The following DACT2 variants were observed in gnomAD, a reference collection of about 807,000 sequenced individuals.
The protein encoded by DACT2 is dishevelled binding antagonist of beta catenin 2.
DACT2 carries 20 observed loss-of-function variants against 22.2 expected under a neutral mutation model. The ratio of observed to expected loss-of-function variants is 0.90; its 90% CI spans 0.63 to 1.31. The LOEUF (loss-of-function observed/expected upper bound fraction) is 1.31, where lower values mean the gene tolerates loss of function less well. Ranked by LOEUF, DACT2 falls within the 50% of genes most tolerant of loss-of-function variation. The pLI is 0.00. For synonymous variants in DACT2, 463 were observed against 479.8 expected, an observed-to-expected ratio of 0.96 and a Z score of 0.46; for missense variants, 1,048 against 1,061.4, an observed-to-expected ratio of 0.99 and a Z score of 0.18.
chr6:168,296,736 C>A (rs1779016024), intron 3 of DACT2, among the ~76,000 whole-genome samples: 2 of 152,248 alleles, frequency 1.3e-5, no homozygotes, highest in African/African-American at 4.8e-5. Context: ...TAATAGCAGA[C>A]TGCATAGGAG....
intron 1 of DACT2, among the ~76,000 whole-genome samples, chr6:168,311,495 G>GCC (rs539267578): frequency 3.8e-4 from 52 of 136,910 alleles, no homozygotes; most frequent in African/African-American, 1.4e-3. Flanking sequence ...GACACCCATC[G>GCC]CCCCCCACAC....
chr6:168,307,298 G>A lies in DACT2; in HGVS notation c.*134C>T, dbSNP rs1583294957. On this transcript the variant is annotated 3_prime_UTR_variant, in exon 4 of 4. Coordinates refer to ENST00000366795, the MANE Select transcript of DACT2 (RefSeq NM_214462.5). This position sits in a 1 kb window ranked among gnomAD's most constrained non-coding sequence, Gnocchi z 5.3. ...TCCACAGGGCAGAACCCATCTGCGGGGACTCCTGTTAAACGGTGGCCTCGG... is the reference window on the plus strand; with the variant it reads ...TCCACAGGGCAGAACCCATCTGCGGAGACTCCTGTTAAACGGTGGCCTCGG... 6.8e-7 allele frequency: 1 copy of A among 1,470,526 alleles called. No homozygotes were observed. Among genetic ancestry groups the A allele is most frequent in the East Asian group, 2.5e-5 (1 of 40,372 alleles). 91.1% of individuals were successfully genotyped at this position (1,470,526 alleles called of 1,614,324 possible). A position where few individuals can be genotyped will look rare whatever the true frequency, so the allele number is the denominator to read the frequency against.
chr6:168,311,617 C>G (rs371862691), intron 1 of DACT2, among the ~76,000 whole-genome samples: 353 of 86,158 alleles, frequency 4.1e-3, no homozygotes, highest in African/African-American at 0.013. Flanking sequence ...CTCACACAAA[C>G]ACACACACAC....
At chr6:168,304,797 G>A (rs751790328), downstream of DACT2, among the ~76,000 whole-genome samples, 1 of 152,222 alleles carries the variant, frequency 6.6e-6, no homozygotes, top group Non-Finnish European at 1.5e-5. Flanking sequence ...GATGGGAACT[G>A]GAGACAGAGC....
At chr6:168,303,822 T>C (rs62424990), downstream of DACT2, among the ~76,000 whole-genome samples, 26,950 of 152,126 alleles carry the variant, frequency 0.18, 3,320 homozygotes, top group African/African-American at 0.35. Flanking sequence ...TTTGCTAAAG[T>C]AGGTTGGGAC....
At chr6:168,296,622 A>C (rs2114892452) in intron 3 of DACT2, among the ~76,000 whole-genome samples, 1 of 152,320 alleles carries the variant, frequency 6.6e-6, no homozygotes, top group Admixed American at 6.5e-5. Context: ...AAGCACCCGG[A>C]ATCAGCAGCA....
rs372134178 is a variant in DACT2 at position 168,310,525 on chromosome 6, G to A, written c.380-79C>T. ...CCCCCTCTCCTCCTGAGCTTGTCAC[G>A]GCACAGGTGGGCCCAGGGGAACCCC... On this transcript the variant is annotated intron_variant, in intron 2 of 3. Coordinates refer to ENST00000366795, the MANE Select transcript of DACT2 (RefSeq NM_214462.5). The A allele has an allele frequency of 3.2e-5, 48 of 1,495,578 alleles. No homozygotes were observed. In the Middle Eastern group the frequency reaches 1.4e-3, roughly 45 times the overall value. 92.6% of individuals were successfully genotyped at this position (1,495,578 alleles called of 1,614,324 possible).
rs576627446 is a variant in DACT2 at position 168,319,255 on chromosome 6, C to T, written c.246+133G>A. On this transcript the variant is annotated intron_variant, in intron 1 of 3. Coordinates refer to ENST00000366795, the MANE Select transcript of DACT2 (RefSeq NM_214462.5). ...CCCTCCTTGGAGACCGAACTGCATT[C>T]CATTCAAATCCCAAAGGACGTCCCC... 4.3e-4 allele frequency: 369 copies of T among 862,928 alleles called. 2 individuals carry two copies. The African/African-American group carries it at 6.1e-3, about 14-fold the overall frequency. The allele number at this position is 862,928 out of a possible 1,614,324, so 53.5% of individuals were successfully genotyped here. A position where few individuals can be genotyped will look rare whatever the true frequency, so the allele number is the denominator to read the frequency against.
downstream of DACT2, among the ~76,000 whole-genome samples, chr6:168,305,122 A>G (rs1460070312): frequency 2.6e-5 from 4 of 152,204 alleles, no homozygotes; most frequent in African/African-American, 9.7e-5. Context: ...GAGAGGATGG[A>G]GAGACAAGGG....
downstream of DACT2, among the ~76,000 whole-genome samples, chr6:168,304,112 C>T (rs1193196166): frequency 6.6e-6 from 1 of 152,180 alleles, no homozygotes; most frequent in Non-Finnish European, 1.5e-5. Context: ...GAGAGGGAAA[C>T]AGCTCCTCTG....
chr6:168,295,891 A>G (rs1432094440), intron 3 of DACT2, among the ~76,000 whole-genome samples: 1 of 152,278 alleles, frequency 6.6e-6, no homozygotes, highest in Non-Finnish European at 1.5e-5. Context: ...GTGAAAGAGA[A>G]TAGCTGTGTC....
At chr6:168,298,584 G>A (rs906802779) in intron 3 of DACT2, 1 of 152,188 alleles carries the variant, frequency 6.6e-6, no homozygotes, top group African/African-American at 2.4e-5. Flanking sequence ...ATTCAGCTGG[G>A]AGGTTAGCAT....
intron 2 of DACT2, among the ~76,000 whole-genome samples, chr6:168,310,704 C>T (rs1779375511): frequency 6.6e-6 from 1 of 152,210 alleles, no homozygotes; most frequent in Non-Finnish European, 1.5e-5. Context: ...GGCCCTCCCT[C>T]TTCCTGGCAA....
chr6:168,294,406 G>A (rs1236210828), intron 4 of DACT2, among the ~76,000 whole-genome samples: 1 of 151,778 alleles, frequency 6.6e-6, no homozygotes, highest in African/African-American at 2.4e-5. Flanking sequence ...TGCACGTGGG[G>A]TTCACCTGGA....
At chr6:168,298,064 A>T (rs1465338823) in intron 3 of DACT2, 1 of 152,262 alleles carries the variant, frequency 6.6e-6, no homozygotes, top group African/African-American at 2.4e-5. Context: ...GAGTGAACAC[A>T]CACATTGGAA....
intron 1 of DACT2, among the ~76,000 whole-genome samples, chr6:168,315,077 C>T (rs528926699): frequency 7.6e-4 from 116 of 152,284 alleles, no homozygotes; most frequent in African/African-American, 2.5e-3. Context: ...GAATCAGACG[C>T]GCAGCTTGCT....
intron 3 of DACT2, among the ~76,000 whole-genome samples, chr6:168,295,044 C>T (rs1203338319): frequency 6.6e-6 from 1 of 152,270 alleles, no homozygotes; most frequent in African/African-American, 2.4e-5. Flanking sequence ...GAGTCCCAAG[C>T]ATATGCTGGG....
chr6:168,303,900 T>G (rs1779153781), downstream of DACT2, among the ~76,000 whole-genome samples: 1 of 152,386 alleles, frequency 6.6e-6, no homozygotes, highest in Admixed American at 6.5e-5. Flanking sequence ...ACATATTTTT[T>G]ACTTTAGCTT....
chr6:168,311,501 C>CACACACACACACACACAA (rs1779397437), intron 1 of DACT2, among the ~76,000 whole-genome samples: 1 of 150,110 alleles, frequency 6.7e-6, no homozygotes, highest in African/African-American at 2.5e-5. Context: ...CATCGCCCCC[C>CACACACACACACACACAA]ACACACATAC....
Sources: gnomAD v4.1 joint callset for allele counts (sites outside exome capture counted in the v4.1 genomes callset) on GRCh38, gnomAD v4.1.1 for gene constraint, Gnocchi (gnomAD v3.1) non-coding constraint, MANE v1.5 for transcripts, NCBI Gene and HGNC (gene_info 2026-07-23, HGNC 2026-07-21) for gene names.